The following DCAF16 variants were observed in gnomAD, a reference collection of about 807,000 sequenced individuals.
DCAF16 encodes DDB1 and CUL4 associated factor 16.
In DCAF16, 10 loss-of-function variants were observed where a neutral mutation model predicts 17.3. The observed-to-expected ratio is 0.58, with a 90% CI of 0.36 to 0.98. The LOEUF (loss-of-function observed/expected upper bound fraction) is 0.98, where lower values mean the gene tolerates loss of function less well. Ranked by LOEUF, DCAF16 falls within the 50% of genes least tolerant of loss-of-function variation. The pLI is 0.01. For missense variants in DCAF16, 249 were observed against 247.6 expected (o/e 1.01, Z -0.04); for synonymous variants, 111 against 92.8 (o/e 1.20, Z -1.12).
intron 1 of DCAF16, among the ~76,000 whole-genome samples, chr4:17,809,225 AAAG>A (rs1321226302): frequency 2.0e-5 from 3 of 152,204 alleles, no homozygotes; most frequent in African/African-American, 7.2e-5. Context: ...CCTCATCTTA[AAAG>A]AAGATCAAAG....
chr4:17,807,424 G>A lies in DCAF16; in HGVS notation c.-749-2199C>T, dbSNP rs552650315. The stretch of plus-strand genomic sequence containing the variant: ...ATCAGTTTGGTAGAATAAGAAAGCT[G>A]GATAACACCAAGTGTCAGTGAGTTC... On this transcript the variant is annotated intron_variant, in intron 1 of 2. Coordinates refer to ENST00000382247, the MANE Select transcript of DCAF16 (RefSeq NM_017741.4). 4.6e-5 allele frequency among the ~76,000 whole-genome samples: 7 copies of A among 152,326 alleles called. No homozygotes were observed. The South Asian group carries it at 1.5e-3, about 32-fold the overall frequency.
chr4:17,799,931 C>T (rs1719620059), downstream of DCAF16, among the ~76,000 whole-genome samples: 1 of 151,884 alleles, frequency 6.6e-6, no homozygotes, highest in African/African-American at 2.4e-5. Flanking sequence ...GGGTGGATCA[C>T]CTGAAGTCAG....
At chr4:17,796,639 G>A (rs1455585304), downstream of DCAF16, among the ~76,000 whole-genome samples, 3 of 152,144 alleles carry the variant, frequency 2.0e-5, no homozygotes, top group African/African-American at 4.8e-5. Flanking sequence ...CACAGGAGGT[G>A]GAGATTGCAG....
downstream of DCAF16, among the ~76,000 whole-genome samples, chr4:17,800,169 G>A (rs1302314392): frequency 6.7e-6 from 1 of 148,742 alleles, no homozygotes; most frequent in Non-Finnish European, 1.5e-5. Context: ...AAAAAAAGTT[G>A]CCTATCTGCA....
At chr4:17,805,416 T>C (rs976792632) in intron 1 of DCAF16, among the ~76,000 whole-genome samples, 191 bp from the exon 2 acceptor site, 1 of 151,802 alleles carries the variant, frequency 6.6e-6, no homozygotes. Flanking sequence ...ATATGGCCTA[T>C]CCCAGGAAAG....
chr4:17,807,735 G>A (rs1366615243), intron 1 of DCAF16, among the ~76,000 whole-genome samples: 1 of 152,172 alleles, frequency 6.6e-6, no homozygotes, highest in East Asian at 1.9e-4. Context: ...CAACATGGGT[G>A]GCCTTTAAAG....
At chr4:17,794,923 CTACT>C in the DCAF16 span, among the ~76,000 whole-genome samples, 4 of 152,108 alleles carry the variant, frequency 2.6e-5, no homozygotes, top group African/African-American at 7.2e-5. Flanking sequence ...AACCTCTGTC[CTACT>C]TACTTGACAC....
At chr4:17,805,030 C>G (rs1252615304) in intron 2 of DCAF16, 77 bp downstream of exon 2, 1 of 150,544 alleles carries the variant, frequency 6.6e-6, no homozygotes, top group Non-Finnish European at 1.5e-5. Flanking sequence ...TAGAAAATTA[C>G]TTTTGCAAAA....
intron 1 of DCAF16, among the ~76,000 whole-genome samples, chr4:17,808,569 C>A (rs1383863558): frequency 2.0e-5 from 3 of 151,822 alleles, no homozygotes; most frequent in South Asian, 2.1e-4. Flanking sequence ...TCAAAAAATA[C>A]TGAACCAATA....
chr4:17,797,138 A>C (rs1156275061), downstream of DCAF16, among the ~76,000 whole-genome samples: 1 of 152,118 alleles, frequency 6.6e-6, no homozygotes, highest in African/African-American at 2.4e-5. Flanking sequence ...GCTACTAGTC[A>C]ATTACTTAGA....
At chr4:17,799,653 T>C (rs1445841543), downstream of DCAF16, among the ~76,000 whole-genome samples, 1 of 151,196 alleles carries the variant, frequency 6.6e-6, no homozygotes, top group African/African-American at 2.4e-5. Flanking sequence ...TATCAAAACA[T>C]TTTCATCAGA....
chr4:17,805,911 G>T (rs2109024715), intron 1 of DCAF16, among the ~76,000 whole-genome samples: 1 of 152,282 alleles, frequency 6.6e-6, no homozygotes, highest in Admixed American at 6.5e-5. Flanking sequence ...GCTGTGTGGT[G>T]AGCTATGATC....
chr4:17,806,196 C>A (rs902366249), intron 1 of DCAF16, among the ~76,000 whole-genome samples: 1 of 152,178 alleles, frequency 6.6e-6, no homozygotes, highest in Non-Finnish European at 1.5e-5. Context: ...TGAAATTAAC[C>A]TATGAATATT....
chr4:17,806,479 A>G (rs1205307361), intron 1 of DCAF16, among the ~76,000 whole-genome samples: 1 of 152,214 alleles, frequency 6.6e-6, no homozygotes, highest in Non-Finnish European at 1.5e-5. Flanking sequence ...CATTTCACAG[A>G]AGGAAAAACA....
chr4:17,793,721 T>C, the DCAF16 span, among the ~76,000 whole-genome samples: 4 of 152,136 alleles, frequency 2.6e-5, no homozygotes, highest in Non-Finnish European at 4.4e-5. Context: ...ATAAGAGAAT[T>C]TGAAATTTTT....
Position 17,804,349 on chromosome 4 carries a change from G to A in DCAF16, c.-208C>T. 2 of 584,092 alleles carry A rather than the reference G, an allele frequency of 3.4e-6. No homozygotes were observed. The highest frequency in any genetic ancestry group is 6.2e-6 in the Non-Finnish European group (2 of 321,688). The allele number at this position is 584,092 out of a possible 1,614,324, so 36.2% of individuals were successfully genotyped here. Reference sequence around the variant, plus strand: ...ATGTTGTATATTCTTCACTTACAAAGAAGACATCTCAGTTTCCAGGACCAG... The same window carrying A: ...ATGTTGTATATTCTTCACTTACAAAAAAGACATCTCAGTTTCCAGGACCAG... On this transcript the variant is annotated 5_prime_UTR_variant, in exon 3 of 3. Transcript: ENST00000382247.
At chr4:17,807,608 G>A (rs955586740) in intron 1 of DCAF16, among the ~76,000 whole-genome samples, 14 of 152,308 alleles carry the variant, frequency 9.2e-5, no homozygotes, top group Middle Eastern at 3.4e-3. Context: ...TGAACAACAT[G>A]TATGAAGATA....
Position 17,810,531 on chromosome 4 carries a change from C to G in DCAF16, c.-834G>C, listed in dbSNP as rs1269871613. The G allele has an allele frequency of 6.6e-6, 1 of 152,354 alleles. No individual in the cohort carries two copies. The highest frequency in any genetic ancestry group is 2.4e-5 in the African/African-American group (1 of 41,482). The allele number at this position is 152,354 out of a possible 1,614,324, so 9.4% of individuals were successfully genotyped here. A position where few individuals can be genotyped will look rare whatever the true frequency, so the allele number is the denominator to read the frequency against. ...GCCTCCGGAACGCGCTACGAACTTT[C>G]CTTTGTCGCCGTCTCTCGAAGCGGA... On this transcript the variant is annotated 5_prime_UTR_variant, in exon 1 of 3. Transcript: ENST00000382247.
chr4:17,808,314 T>C (rs1720513497), intron 1 of DCAF16, among the ~76,000 whole-genome samples: 1 of 152,234 alleles, frequency 6.6e-6, no homozygotes, highest in African/African-American at 2.4e-5. Flanking sequence ...GGCTTTTAAT[T>C]GTGCTGTCCT....
Sources: allele counts gnomAD v4.1 joint callset (sites outside exome capture counted in the v4.1 genomes callset), GRCh38; gene constraint gnomAD v4.1.1; transcripts MANE v1.5; gene names NCBI Gene and HGNC (gene_info 2026-07-23, HGNC 2026-07-21).